SHOC1: variants seen among roughly 807,000 people sequenced by gnomAD.
The protein encoded by SHOC1 is protein shortage in chiasmata 1 ortholog.
SHOC1 carries 136 observed loss-of-function variants against 179.2 expected under a neutral mutation model. The ratio of observed to expected loss-of-function variants is 0.76; its 90% CI spans 0.66 to 0.87. The LOEUF (loss-of-function observed/expected upper bound fraction) is 0.87, where lower values mean the gene tolerates loss of function less well. Among genes scored for constraint, SHOC1 ranks in the 40% least tolerant of loss-of-function variants. The pLI is 0.00. For missense variants in SHOC1, 1,538 were observed against 1,700.8 expected (o/e 0.90, Z 1.68); for synonymous variants, 489 against 586.6 (o/e 0.83, Z 2.41).
chr9:111,710,927 T>C (rs1239444973), intron 18 of SHOC1, among the ~76,000 whole-genome samples: 1 of 152,060 alleles, frequency 6.6e-6, no homozygotes, highest in African/African-American at 2.4e-5. Flanking sequence ...ATGCAGCTTA[T>C]AGAGGGAAGA....
chr9:111,786,082 A>G, intron 2 of SHOC1, 47 bp from the exon 3 acceptor site: 1 of 1,270,936 alleles, frequency 7.9e-7, no homozygotes, highest in Non-Finnish European at 1.0e-6. Flanking sequence ...TGTACTATTT[A>G]TCAATATTCA....
Position 111,692,453 on chromosome 9 carries a change from G to A in SHOC1, c.3524C>T (p.Pro1175Leu), listed in dbSNP as rs746953682. 1.6e-5 allele frequency: 25 copies of A among 1,605,004 alleles called. No homozygotes were observed. The highest frequency in any genetic ancestry group is 3.4e-5 in the Admixed American group (2 of 58,734). The stretch of plus-strand genomic sequence containing the variant: ...ATTTTCCTGAGGTGACGAAATTTGC[G>A]GTGATTTTGTTATGGAAGAAGAACC... The part of the protein sequence containing the change: ...KIGSSSITKS[P>L]QISSPQENRN... The change falls in exon 27 of 28, where the codon CCG becomes CTG. Residue 1175 changes from proline (P) to leucine (L), a missense_variant. Physicochemically the swap from Pro to Leu is moderately conservative, Grantham distance 98. Coordinates refer to ENST00000682961, the MANE Select transcript of SHOC1 (RefSeq NM_001378211.1).
rs964190101 is a variant in SHOC1 at position 111,711,173 on chromosome 9, A to T, written c.2488+1927T>A. 2.6e-5 allele frequency among the ~76,000 whole-genome samples: 4 copies of T among 152,326 alleles called. No homozygotes were observed. The South Asian group carries it at 8.3e-4, about 32-fold the overall frequency. Reference sequence around the variant, plus strand: ...GAGAAAAGAGGAAAGGATAAAGAACAGAGAGAAATGCAGGTAAGTGGTAAG... The same window carrying T: ...GAGAAAAGAGGAAAGGATAAAGAACTGAGAGAAATGCAGGTAAGTGGTAAG... On this transcript the variant is annotated intron_variant, in intron 18 of 27. Coordinates refer to ENST00000682961, the MANE Select transcript of SHOC1 (RefSeq NM_001378211.1).
chr9:111,732,754 G>T (rs1209510512), intron 12 of SHOC1, among the ~76,000 whole-genome samples: 1 of 152,140 alleles, frequency 6.6e-6, no homozygotes, highest in African/African-American at 2.4e-5. Context: ...AGGACCAGGG[G>T]GGTAGGTTAG....
At chr9:111,718,861 G>A (rs544902956) in intron 15 of SHOC1, among the ~76,000 whole-genome samples, 220 of 152,178 alleles carry the variant, frequency 1.4e-3, no homozygotes, top group African/African-American at 5.0e-3. Context: ...TTTTTTGGAC[G>A]ATAGACTGGA....
At chr9:111,744,272 T>C (rs1011682646) in intron 10 of SHOC1, among the ~76,000 whole-genome samples, 4 of 152,226 alleles carry the variant, frequency 2.6e-5, no homozygotes, top group African/African-American at 4.8e-5. Context: ...AAATATCTTG[T>C]ACCTTATCAA....
Position 111,738,298 on chromosome 9 carries a change from T to C in SHOC1, c.1399A>G (p.Lys467Glu). 6.2e-7 allele frequency: 1 copy of C among 1,611,026 alleles called. No individual in the cohort carries two copies. Among genetic ancestry groups the C allele is most frequent in the South Asian group, 1.1e-5 (1 of 90,768 alleles). Residue 467 changes from lysine (K) to glutamate (E), a missense_variant, in exon 12 of 28, where the codon AAA becomes GAA. Transcript: ENST00000682961. ...DTKIEIFLPT[K>E]VLQLESCLEH... The stretch of plus-strand genomic sequence containing the variant: ...TACTTACATTCTAATTGAAGCACTT[T>C]CGTAGGCAAAAATATCTCAATTTTA...
intron 13 of SHOC1, among the ~76,000 whole-genome samples, chr9:111,725,466 C>T (rs1420746281): frequency 6.6e-6 from 1 of 152,096 alleles, no homozygotes; most frequent in Non-Finnish European, 1.5e-5. Flanking sequence ...CCCACCCAGT[C>T]CTAGGGTATG....
intron 27 of SHOC1, among the ~76,000 whole-genome samples, chr9:111,688,988 A>G (rs1359100728): frequency 6.6e-6 from 1 of 152,182 alleles, no homozygotes; most frequent in East Asian, 1.9e-4. Context: ...GCTGATTATG[A>G]AATCAGTAAA....
At chr9:111,715,486 C>T (rs1172012488) in intron 16 of SHOC1, among the ~76,000 whole-genome samples, 1 of 152,158 alleles carries the variant, frequency 6.6e-6, no homozygotes, top group African/African-American at 2.4e-5. Context: ...AGACCTCCCC[C>T]TGATTCTCCA....
At chr9:111,794,599 AC>A (rs1447669129) in intron 1 of SHOC1, among the ~76,000 whole-genome samples, 1 of 152,044 alleles carries the variant, frequency 6.6e-6, no homozygotes, top group African/African-American at 2.4e-5. Flanking sequence ...AGACAAAAAA[AC>A]GTAACATGGC....
intron 3 of SHOC1, chr9:111,783,318 T>A (rs890854777): frequency 1.3e-5 from 2 of 152,186 alleles, no homozygotes; most frequent in Non-Finnish European, 2.9e-5. Context: ...CACACTCCAA[T>A]TATATTCCAA....
intron 5 of SHOC1, among the ~76,000 whole-genome samples, chr9:111,773,511 C>T (rs1382606610): frequency 6.6e-6 from 1 of 152,064 alleles, no homozygotes; most frequent in African/African-American, 2.4e-5. Context: ...AGGGTTTCAC[C>T]ACGTTGGCCA....
intron 14 of SHOC1, 67 bp from the exon 15 acceptor site, chr9:111,722,652 T>A: frequency 7.6e-7 from 1 of 1,323,228 alleles, no homozygotes; most frequent in African/African-American, 1.5e-5. Context: ...GATGAACCAA[T>A]TAAATGTTAT....
chr9:111,747,397 G>A (rs929533923), intron 9 of SHOC1, among the ~76,000 whole-genome samples: 1 of 151,890 alleles, frequency 6.6e-6, no homozygotes, highest in Non-Finnish European at 1.5e-5. Flanking sequence ...ACATTGCTTT[G>A]GGAGATTAAA....
chr9:111,747,606 A>G (rs1317512306), intron 9 of SHOC1, among the ~76,000 whole-genome samples: 1 of 152,056 alleles, frequency 6.6e-6, no homozygotes, highest in Non-Finnish European at 1.5e-5. Flanking sequence ...GTTTTGAGAC[A>G]GAGTCTAGCT....
chr9:111,702,230 T>A lies in SHOC1; in HGVS notation c.2968-4A>T. ...CATAATTCAATTCTTCTAGATCCTA[T>A]CAGAAAATAAAGAAAATGTAAAAAT... On this transcript the variant is annotated splice_region_variant and splice_polypyrimidine_tract_variant and intron_variant, in intron 22 of 27. Transcript: ENST00000682961. The A allele has an allele frequency of 2.1e-6, 3 of 1,405,534 alleles. No individual in the cohort carries two copies. The highest frequency in any genetic ancestry group is 3.0e-6 in the Non-Finnish European group (3 of 1,005,326). The allele number at this position is 1,405,534 out of a possible 1,614,324, so 87.1% of individuals were successfully genotyped here.
chr9:111,693,300 C>T (rs1432453048), intron 26 of SHOC1, among the ~76,000 whole-genome samples: 1 of 132,132 alleles, frequency 7.6e-6, no homozygotes, highest in Non-Finnish European at 1.6e-5. Flanking sequence ...AGGGAGACTC[C>T]ATCTCAAAAA....
Position 111,692,289 on chromosome 9 carries a change from T to A in SHOC1, c.3688A>T (p.Asn1230Tyr). ...TCTTTTAGTTCCATAATGGAAGAGT[T>A]GTCATTCAAAATGGTGGTTTTGTCT... ...QEDKTTILND[N>Y]SSIMELKEIS... is the part of the protein sequence containing the mutation. Residue 1230 changes from asparagine (N) to tyrosine (Y), a missense_variant, in exon 27 of 28, where the codon AAC becomes TAC. By Grantham distance (143) the Asn-to-Tyr change is moderately radical. Coordinates refer to ENST00000682961, the MANE Select transcript of SHOC1 (RefSeq NM_001378211.1). The A allele has an allele frequency of 8.1e-6, 13 of 1,613,462 alleles. No homozygotes were observed. The highest frequency in any genetic ancestry group is 1.1e-5 in the Non-Finnish European group (13 of 1,179,476).
Sources: gnomAD v4.1 joint callset for allele counts (sites outside exome capture counted in the v4.1 genomes callset) on GRCh38, gnomAD v4.1.1 for gene constraint, MANE v1.5 for transcripts, NCBI Gene and HGNC (gene_info 2026-07-23, HGNC 2026-07-21) for gene names.